The following RANBP2 variants were observed in gnomAD, a reference collection of about 807,000 sequenced individuals.
The protein encoded by RANBP2 is E3 SUMO-protein ligase RanBP2.
A neutral mutation model predicts 303.6 loss-of-function variants in RANBP2; 57 were observed. The observed-to-expected ratio is 0.19, with a 90% CI of 0.15 to 0.23. The LOEUF (loss-of-function observed/expected upper bound fraction) is 0.23. Among genes scored for constraint, RANBP2 ranks in the 10% least tolerant of loss-of-function variants. The pLI is 1.00. For synonymous variants in RANBP2, 1,167 were observed against 1,301.5 expected, an observed-to-expected ratio of 0.90 and a Z score of 2.23; for missense variants, 3,138 against 3,780.8, an observed-to-expected ratio of 0.83 and a Z score of 4.46.
chr2:109,433,149 G>A, the RANBP2 span, among the ~76,000 whole-genome samples: 1 of 152,220 alleles, frequency 6.6e-6, no homozygotes, highest in Admixed American at 6.5e-5. Flanking sequence ...AGGTGTGTGC[G>A]TGTGTGCATA....
At chr2:109,347,836 A>T in the RANBP2 span, 2 of 1,613,972 alleles carry the variant, frequency 1.2e-6, no homozygotes, top group Non-Finnish European at 1.7e-6. Context: ...CCTCCCAGCC[A>T]GCTATATCCA....
chr2:109,622,482 C>T, the RANBP2 span, among the ~76,000 whole-genome samples: 2 of 152,152 alleles, frequency 1.3e-5, no homozygotes, highest in Non-Finnish European at 2.9e-5. Context: ...ATGACTTGAA[C>T]ACTCTGTTGT....
At chr2:109,600,323 A>C in the RANBP2 span, among the ~76,000 whole-genome samples, 2 of 151,934 alleles carry the variant, frequency 1.3e-5, no homozygotes, top group African/African-American at 4.8e-5. Context: ...CCTGCCCCTC[A>C]TCTCCAAGAA....
the RANBP2 span, among the ~76,000 whole-genome samples, chr2:109,014,326 A>C: frequency 6.6e-6 from 1 of 152,152 alleles, no homozygotes; most frequent in Non-Finnish European, 1.5e-5. Context: ...CCAATTTGAA[A>C]ACCCTGATGT....
chr2:109,076,487 T>C, the RANBP2 span, among the ~76,000 whole-genome samples: 1 of 150,440 alleles, frequency 6.6e-6, no homozygotes, highest in African/African-American at 2.4e-5. Flanking sequence ...CTGGGTGACA[T>C]GGTCCTACAT....
the RANBP2 span, among the ~76,000 whole-genome samples, chr2:109,279,468 T>C: frequency 6.6e-6 from 1 of 152,196 alleles, no homozygotes; most frequent in African/African-American, 2.4e-5. Flanking sequence ...TTAATGCTGC[T>C]ATGCTGCTAA....
the RANBP2 span, among the ~76,000 whole-genome samples, chr2:109,078,100 A>ATATATATATATATATATGGTG: frequency 1.4e-5 from 1 of 70,006 alleles, no homozygotes; most frequent in Non-Finnish European, 2.9e-5. Flanking sequence ...ATATATATAT[A>ATATATATATATATATATGGTG]TATATATATA....
the RANBP2 span, among the ~76,000 whole-genome samples, chr2:109,522,901 A>G: frequency 6.6e-6 from 1 of 152,340 alleles, no homozygotes; most frequent in South Asian, 2.1e-4. Context: ...GTGCTTCAAA[A>G]TACTCGTGTG....
At chr2:109,490,881 G>T in the RANBP2 span, 2 of 1,532,066 alleles carry the variant, frequency 1.3e-6, no homozygotes, top group South Asian at 2.4e-5. Flanking sequence ...TTCCCGGCAA[G>T]CTCCGCTGTC....
At chr2:108,754,115 C>T in intron 15 of RANBP2, 144 bp downstream of exon 15, 1 of 1,582,400 alleles carries the variant, frequency 6.3e-7, no homozygotes, top group South Asian at 1.1e-5. Context: ...TGTCTAAATG[C>T]TTATATTTGC....
At chr2:109,000,401 C>A in the RANBP2 span, among the ~76,000 whole-genome samples, 2 of 152,072 alleles carry the variant, frequency 1.3e-5, no homozygotes, top group African/African-American at 2.4e-5. Context: ...ATGGTGTGCA[C>A]CTGTAGTCCC....
the RANBP2 span, among the ~76,000 whole-genome samples, chr2:109,379,548 GAA>G: frequency 6.6e-6 from 1 of 152,234 alleles, no homozygotes; most frequent in East Asian, 1.9e-4. Flanking sequence ...AAGTATGAAG[GAA>G]AAATACTCAG....
chr2:109,121,439 T>C, the RANBP2 span, among the ~76,000 whole-genome samples: 1 of 152,226 alleles, frequency 6.6e-6, no homozygotes. Flanking sequence ...AAAAAATACC[T>C]GCAATTAACT....
the RANBP2 span, among the ~76,000 whole-genome samples, chr2:109,707,833 T>A: frequency 6.6e-6 from 1 of 152,242 alleles, no homozygotes; most frequent in African/African-American, 2.4e-5. Flanking sequence ...AATACCTAAA[T>A]GTTTAGATGT....
At chr2:109,288,687 G>A in the RANBP2 span, among the ~76,000 whole-genome samples, 152 of 152,236 alleles carry the variant, frequency 1.0e-3, no homozygotes, top group African/African-American at 3.4e-3. Context: ...TCTCTTTGCC[G>A]GGAGCCTGGG....
At chr2:109,253,395 C>T in the RANBP2 span, among the ~76,000 whole-genome samples, 2 of 152,118 alleles carry the variant, frequency 1.3e-5, no homozygotes, top group Non-Finnish European at 2.9e-5. Context: ...AGAAGAGGCC[C>T]CAGGATAGGC....
chr2:109,501,953 C>T, the RANBP2 span: 23 of 386,882 alleles, frequency 5.9e-5, no homozygotes, highest in Non-Finnish European at 9.5e-5. Flanking sequence ...CAGGTGCCGG[C>T]GCAGGCAGGC....
the RANBP2 span, among the ~76,000 whole-genome samples, chr2:109,058,646 T>C: frequency 6.6e-6 from 1 of 152,238 alleles, no homozygotes; most frequent in Non-Finnish European, 1.5e-5. Context: ...TGCAGCTGAC[T>C]TGTCAGTAAG....
At chr2:109,085,258 T>C in the RANBP2 span, among the ~76,000 whole-genome samples, 1 of 152,200 alleles carries the variant, frequency 6.6e-6, no homozygotes, top group East Asian at 1.9e-4. Context: ...GTTAATCCAG[T>C]TTTTGTATTG....
Sources: allele counts gnomAD v4.1 joint callset (sites outside exome capture counted in the v4.1 genomes callset), GRCh38; gene constraint gnomAD v4.1.1; transcripts MANE v1.5; gene names NCBI Gene and HGNC (gene_info 2026-07-23, HGNC 2026-07-21).